PRKCH: variants seen among roughly 807,000 people sequenced by gnomAD.
PRKCH encodes protein kinase C eta type.
A neutral mutation model predicts 82.5 loss-of-function variants in PRKCH; 28 were observed. The ratio of observed to expected loss-of-function variants is 0.34; its 90% CI spans 0.25 to 0.47. PRKCH has a LOEUF of 0.47. Among genes scored for constraint, PRKCH ranks in the 20% least tolerant of loss-of-function variants. The pLI is 1.00. For synonymous variants in PRKCH, 322 were observed against 327.4 expected, an observed-to-expected ratio of 0.98 and a Z score of 0.18; for missense variants, 705 against 881.8, an observed-to-expected ratio of 0.80 and a Z score of 2.54.
chr14:61,208,899 C>T (rs1594852800), intron 1 of PRKCH, among the ~76,000 whole-genome samples: 1 of 152,076 alleles, frequency 6.6e-6, no homozygotes, highest in African/African-American at 2.4e-5. Flanking sequence ...ATAATTAGGT[C>T]GTTAGATGGG....
intron 10 of PRKCH, among the ~76,000 whole-genome samples, chr14:61,521,056 C>A: frequency 6.6e-6 from 1 of 151,998 alleles, no homozygotes. Flanking sequence ...AGAGAATGAG[C>A]CAGAGGCATA....
At chr14:61,261,006 T>C (rs1171660118) in intron 1 of PRKCH, among the ~76,000 whole-genome samples, 1 of 152,208 alleles carries the variant, frequency 6.6e-6, no homozygotes, top group Non-Finnish European at 1.5e-5. Context: ...TTTAAGTTGT[T>C]GTCAGCACAT....
intron 9 of PRKCH, among the ~76,000 whole-genome samples, chr14:61,477,497 G>A (rs564832959): frequency 3.4e-4 from 51 of 152,110 alleles, no homozygotes; most frequent in Non-Finnish European, 6.0e-4. Flanking sequence ...TTGCAATCTG[G>A]TTCTGAGATT....
intron 9 of PRKCH, among the ~76,000 whole-genome samples, chr14:61,470,515 C>T (rs1005680575): frequency 5.3e-5 from 8 of 152,212 alleles, no homozygotes; most frequent in African/African-American, 1.4e-4. Flanking sequence ...AATAGTTTGG[C>T]TCAGGCTCGC....
intron 1 of PRKCH, among the ~76,000 whole-genome samples, chr14:61,268,133 C>T (rs2045120235): frequency 6.6e-6 from 1 of 152,144 alleles, no homozygotes; most frequent in Admixed American, 6.5e-5. Context: ...CCAAATATGA[C>T]AGTACTGCAC....
At chr14:61,453,703 G>C (rs967733499) in intron 7 of PRKCH, among the ~76,000 whole-genome samples, 3 of 151,332 alleles carry the variant, frequency 2.0e-5, no homozygotes, top group Non-Finnish European at 2.9e-5. Flanking sequence ...ACCCAGGCTG[G>C]AGTGCAGTGG....
chr14:61,232,209 A>G (rs371924765), intron 1 of PRKCH, among the ~76,000 whole-genome samples: 6 of 152,210 alleles, frequency 3.9e-5, no homozygotes, highest in African/African-American at 1.4e-4. Flanking sequence ...TATGTTTACC[A>G]GTTCGTTATA....
intron 1 of PRKCH, among the ~76,000 whole-genome samples, chr14:61,252,915 TAC>T (rs921208465): frequency 6.6e-6 from 1 of 152,112 alleles, no homozygotes; most frequent in African/African-American, 2.4e-5. Context: ...TGGTACTGAA[TAC>T]ACACACACAA....
chr14:61,382,058 G>A (rs148967195), intron 1 of PRKCH, among the ~76,000 whole-genome samples: 1 of 152,306 alleles, frequency 6.6e-6, no homozygotes, highest in Non-Finnish European at 1.5e-5. Context: ...CTCTGCAAGC[G>A]GTGGAGGTGA....
At chr14:61,274,122 G>C (rs2045182089) in intron 1 of PRKCH, among the ~76,000 whole-genome samples, 1 of 152,224 alleles carries the variant, frequency 6.6e-6, no homozygotes, top group South Asian at 2.1e-4. Context: ...GAGAGGCAAA[G>C]AAGACTTGCA....
At chr14:61,339,484 C>T (rs1207641574) in intron 1 of PRKCH, among the ~76,000 whole-genome samples, 7 of 151,016 alleles carry the variant, frequency 4.6e-5, no homozygotes, top group African/African-American at 1.2e-4. Flanking sequence ...CCACCACGCC[C>T]GGCTAATTTT....
intron 1 of PRKCH, among the ~76,000 whole-genome samples, chr14:61,314,097 GA>G (rs1330186528): frequency 1.3e-5 from 2 of 152,226 alleles, no homozygotes; most frequent in Non-Finnish European, 2.9e-5. Flanking sequence ...TTACGTGTTA[GA>G]AGTGGATACA....
chr14:61,232,814 C>T (rs563600162), intron 1 of PRKCH, among the ~76,000 whole-genome samples: 1 of 152,144 alleles, frequency 6.6e-6, no homozygotes, highest in South Asian at 2.1e-4. Flanking sequence ...GGCTGAAAGT[C>T]CCAACCCTCT....
rs181027404 is a variant in PRKCH, at chr14:61,334,774, T to C, written c.363+12310T>C. 2.7e-4 allele frequency among the ~76,000 whole-genome samples: 41 copies of C among 152,274 alleles called. No individual in the cohort carries two copies. In the East Asian group the frequency reaches 7.0e-3, roughly 26 times the overall value. ...GCTAATGTTTGCTACCTTATAGGCT[T>C]GGTGTGAAGATTAGATGAACTACAT... On this transcript the variant is annotated intron_variant, in intron 1 of 13. Coordinates refer to ENST00000332981, the MANE Select transcript of PRKCH (RefSeq NM_006255.5).
At chr14:61,288,137 G>T (rs1177615472) in intron 1 of PRKCH, among the ~76,000 whole-genome samples, 6 of 151,898 alleles carry the variant, frequency 4.0e-5, no homozygotes, top group Admixed American at 3.9e-4. Context: ...GAAAACTCAG[G>T]TGCCCAACAA....
intron 1 of PRKCH, among the ~76,000 whole-genome samples, chr14:61,314,352 A>G (rs1453196961): frequency 2.0e-5 from 3 of 152,240 alleles, no homozygotes; most frequent in African/African-American, 7.2e-5. Flanking sequence ...AAAGGAAAAT[A>G]TTCTAATATG....
chr14:61,490,800 C>T (rs967317197), intron 10 of PRKCH, among the ~76,000 whole-genome samples: 1 of 152,070 alleles, frequency 6.6e-6, no homozygotes, highest in Non-Finnish European at 1.5e-5. Flanking sequence ...CCTGTGTAGT[C>T]CCAGCTACTC....
intron 1 of PRKCH, among the ~76,000 whole-genome samples, chr14:61,349,647 G>A (rs1027763413): frequency 1.3e-5 from 2 of 152,152 alleles, no homozygotes; most frequent in Non-Finnish European, 2.9e-5. Flanking sequence ...TGGATTACAA[G>A]GTCAGGAGTT....
intron 2 of PRKCH, among the ~76,000 whole-genome samples, chr14:61,395,504 G>A (rs767630139): frequency 1.1e-4 from 16 of 152,126 alleles, no homozygotes; most frequent in South Asian, 6.2e-4. Context: ...CCTGCCCAGT[G>A]TGTTTTGGAC....
Sources: allele counts gnomAD v4.1 joint callset (sites outside exome capture counted in the v4.1 genomes callset), GRCh38; gene constraint gnomAD v4.1.1; transcripts MANE v1.5; gene names NCBI Gene and HGNC (gene_info 2026-07-23, HGNC 2026-07-21).